The following LRRC7 variants were observed in gnomAD, a reference collection of about 807,000 sequenced individuals.
LRRC7 encodes leucine rich repeat containing 7, also known as leucine-rich repeat-containing protein 7.
Under a neutral mutation model 175.7 loss-of-function variants are expected in LRRC7, and 23 were observed. The observed-to-expected ratio is 0.13, with a 90% CI of 0.09 to 0.19. The LOEUF (loss-of-function observed/expected upper bound fraction) is 0.19. Ranked by LOEUF, LRRC7 falls within the 10% of genes least tolerant of loss-of-function variation. The pLI is 1.00. For missense variants in LRRC7, 1,354 were observed against 1,904.7 expected, an observed-to-expected ratio of 0.71 and a Z score of 5.38; for synonymous variants, 685 against 680.9, an observed-to-expected ratio of 1.01 and a Z score of -0.09.
At chr1:69,855,828 T>C (rs151295385) in intron 7 of LRRC7, among the ~76,000 whole-genome samples, 1,884 of 152,320 alleles carry the variant, frequency 0.012, 34 homozygotes, top group African/African-American at 0.042. Flanking sequence ...GGTGCATACA[T>C]GTTTAGGATA....
chr1:70,135,732 C>A lies in LRRC7; in HGVS notation c.*13845C>A, dbSNP rs890832707. On this transcript the variant is annotated 3_prime_UTR_variant, in exon 27 of 27. Coordinates refer to ENST00000651989, the MANE Select transcript of LRRC7 (RefSeq NM_001370785.2). ...TCCCATTCTCTAAAAGTGATTTTTTCTCTAGGATATCATCATCCAAACTAT... is the reference window on the plus strand; with the variant it reads ...TCCCATTCTCTAAAAGTGATTTTTTATCTAGGATATCATCATCCAAACTAT... Among the ~76,000 whole-genome samples the A allele has an allele frequency of 3.9e-5, 6 of 152,128 alleles. No homozygotes were observed. The highest frequency in any genetic ancestry group is 7.4e-5 in the Non-Finnish European group (5 of 68,018).
intron 3 of LRRC7, among the ~76,000 whole-genome samples, chr1:69,762,107 G>A (rs936688463): frequency 6.6e-6 from 1 of 151,864 alleles, no homozygotes; most frequent in African/African-American, 2.4e-5. Context: ...TTATTTACAT[G>A]ATGTTCAAAT....
intron 1 of LRRC7, among the ~76,000 whole-genome samples, chr1:69,593,701 A>G (rs368446592): frequency 3.3e-5 from 5 of 152,282 alleles, no homozygotes; most frequent in African/African-American, 1.2e-4. Context: ...TTTTAGGTGT[A>G]CATATTTACA....
intron 1 of LRRC7, among the ~76,000 whole-genome samples, chr1:69,676,177 C>T (rs962585852): frequency 6.6e-5 from 10 of 151,920 alleles, no homozygotes; most frequent in African/African-American, 2.4e-4. Flanking sequence ...GCCTTTTTAT[C>T]TCATATTTTC....
intron 2 of LRRC7, among the ~76,000 whole-genome samples, chr1:69,745,318 T>C (rs1407106254): frequency 6.6e-6 from 1 of 151,984 alleles, no homozygotes; most frequent in Non-Finnish European, 1.5e-5. Context: ...CTGACAAAGA[T>C]TGAAAATAAA....
chr1:70,022,663 C>G (rs575877610), intron 16 of LRRC7, among the ~76,000 whole-genome samples: 1 of 152,166 alleles, frequency 6.6e-6, no homozygotes, highest in African/African-American at 2.4e-5. Context: ...TTGAATATTT[C>G]CAATGCCATT....
chr1:69,960,785 T>A (rs1385068275), intron 8 of LRRC7, among the ~76,000 whole-genome samples: 1 of 144,068 alleles, frequency 6.9e-6, no homozygotes, highest in Non-Finnish European at 1.5e-5. Flanking sequence ...CATCTCTTTA[T>A]GTTAAAAAAA....
chr1:69,612,341 C>A (rs1648901818), intron 1 of LRRC7, among the ~76,000 whole-genome samples: 1 of 152,054 alleles, frequency 6.6e-6, no homozygotes, highest in Admixed American at 6.6e-5. Flanking sequence ...TTTTATATAA[C>A]TTTCTATTTC....
chr1:69,812,351 C>T (rs943893396), intron 4 of LRRC7, among the ~76,000 whole-genome samples: 30 of 152,130 alleles, frequency 2.0e-4, no homozygotes, highest in African/African-American at 7.2e-4. Context: ...CCTGGGTAAC[C>T]TCTGAGCCTC....
In LRRC7 at chr1:70,028,351, C is replaced by T; in HGVS notation, c.1975C>T (p.Pro659Ser). ...EKYEHKWPVAPKEITVEDSFV... is the reference protein window; with the variant it reads ...EKYEHKWPVASKEITVEDSFV... ...ATATGAACACAAGTGGCCGGTAGCCCCAAAGGAGATTACAGTGGAGGTATT... is the reference window on the plus strand; with the variant it reads ...ATATGAACACAAGTGGCCGGTAGCCTCAAAGGAGATTACAGTGGAGGTATT... Residue 659 changes from proline (P) to serine (S), a missense_variant, in exon 18 of 27, where the codon CCA (proline) becomes TCA (serine). Around this residue, in one of 4 missense-constraint regions of LRRC7, gnomAD observed 1,032 missense variants for 1,227.2 expected, o/e 0.84. Coordinates refer to ENST00000651989, the MANE Select transcript of LRRC7 (RefSeq NM_001370785.2). The T allele has an allele frequency of 6.2e-7, 1 of 1,613,176 alleles. No homozygotes were observed. Among genetic ancestry groups the T allele is most frequent in the East Asian group, 2.2e-5 (1 of 44,730 alleles).
At chr1:69,668,955 T>C (rs972610820) in intron 1 of LRRC7, among the ~76,000 whole-genome samples, 1 of 152,236 alleles carries the variant, frequency 6.6e-6, no homozygotes, top group Non-Finnish European at 1.5e-5. Flanking sequence ...TTTTGAGAAG[T>C]GTCTGTTCAT....
At chr1:70,008,687 C>T (rs1485806439) in intron 11 of LRRC7, among the ~76,000 whole-genome samples, 1 of 152,098 alleles carries the variant, frequency 6.6e-6, no homozygotes, top group Non-Finnish European at 1.5e-5. Context: ...ATTTCAATCT[C>T]CAAGAGAATT....
rs1200351808 is a variant in LRRC7, at chr1:70,142,359, TATA to T, written c.*20475_*20477del. 1.3e-5 allele frequency: 2 copies of T among 152,144 alleles called. No homozygotes were observed. The highest frequency in any genetic ancestry group is 2.1e-4 in the South Asian group (1 of 4,834). The allele number at this position is 152,144 out of a possible 1,614,324, so 9.4% of individuals were successfully genotyped here. On this transcript the variant is annotated 3_prime_UTR_variant, in exon 27 of 27. Coordinates refer to ENST00000651989, the MANE Select transcript of LRRC7 (RefSeq NM_001370785.2). ...CAATGAATGCTTAATACTTCGGCTTTATAATGTTTGGGCATTTCTCTTTAACAT... is the reference window on the plus strand; with the variant it reads ...CAATGAATGCTTAATACTTCGGCTTTATGTTTGGGCATTTCTCTTTAACAT...
chr1:69,620,754 T>C (rs1294093932), intron 1 of LRRC7, among the ~76,000 whole-genome samples: 1 of 152,226 alleles, frequency 6.6e-6, no homozygotes, highest in African/African-American at 2.4e-5. Flanking sequence ...CCTATTCATT[T>C]CTACTGGATG....
At chr1:69,845,176 A>G (rs886518283) in intron 7 of LRRC7, among the ~76,000 whole-genome samples, 3 of 152,104 alleles carry the variant, frequency 2.0e-5, no homozygotes, top group African/African-American at 7.2e-5. Flanking sequence ...ACTTGAGCAA[A>G]GGAGGTAGAG....
At chr1:69,764,251 AG>A (rs758002537) in intron 3 of LRRC7, among the ~76,000 whole-genome samples, 6 of 151,974 alleles carry the variant, frequency 3.9e-5, no homozygotes, top group Non-Finnish European at 8.8e-5. Flanking sequence ...AATTATAGAC[AG>A]AGTAATAGAC....
At position 70,135,749 on chromosome 1, in the gene LRRC7, C is replaced by G. The variant is rs1000509661; in HGVS notation, c.*13862C>G. On this transcript the variant is annotated 3_prime_UTR_variant, in exon 27 of 27. Coordinates refer to ENST00000651989, the MANE Select transcript of LRRC7 (RefSeq NM_001370785.2). ...GATTTTTTCTCTAGGATATCATCAT[C>G]CAAACTATTCTTGCCCTGTAATATT... is the stretch of plus-strand genomic sequence containing the variant. 6.6e-6 allele frequency among the ~76,000 whole-genome samples: 1 copy of G among 152,236 alleles called. No individual in the cohort carries two copies. Among genetic ancestry groups the G allele is most frequent in the Admixed American group, 6.5e-5 (1 of 15,290 alleles).
intron 3 of LRRC7, among the ~76,000 whole-genome samples, chr1:69,786,543 C>A (rs577912310): frequency 6.6e-6 from 1 of 152,044 alleles, no homozygotes; most frequent in East Asian, 1.9e-4. Flanking sequence ...GGGCAATTTA[C>A]AAAAGAAAGA....
Position 70,126,480 on chromosome 1 carries a change from G to T in LRRC7, c.*4593G>T, listed in dbSNP as rs190925008. Among the ~76,000 whole-genome samples the T allele has an allele frequency of 6.6e-6, 1 of 152,032 alleles. No individual in the cohort carries two copies. The highest frequency in any genetic ancestry group is 2.1e-4 in the South Asian group (1 of 4,820). On this transcript the variant is annotated 3_prime_UTR_variant, in exon 27 of 27. Coordinates refer to ENST00000651989, the MANE Select transcript of LRRC7 (RefSeq NM_001370785.2). ...CCTCTCTTCACACTTGTAGCTACCT[G>T]ATCATCTGGGACTTGGGGGGCATCT...
Sources: allele counts gnomAD v4.1 joint callset (sites outside exome capture counted in the v4.1 genomes callset), GRCh38; gene constraint gnomAD v4.1.1; regional missense constraint gnomAD v4.1.1; transcripts MANE v1.5; gene names NCBI Gene and HGNC (gene_info 2026-07-23, HGNC 2026-07-21).